TFCP2: variants seen among roughly 807,000 people sequenced by gnomAD.
TFCP2 encodes the protein transcription factor CP2.
Under a neutral mutation model 73.4 loss-of-function variants are expected in TFCP2, and 33 were observed. The ratio of observed to expected loss-of-function variants is 0.45; its 90% CI spans 0.34 to 0.60. TFCP2 has a LOEUF of 0.60. TFCP2 is among the 20% of genes least tolerant of loss of function. TFCP2 has a pLI of 0.01. For missense variants in TFCP2, 352 were observed against 604.0 expected, an observed-to-expected ratio of 0.58 and a Z score of 4.37; for synonymous variants, 193 against 211.6, an observed-to-expected ratio of 0.91 and a Z score of 0.76.
At chr12:51,116,784 A>G (rs186382118) in intron 3 of TFCP2, among the ~76,000 whole-genome samples, 1 of 151,974 alleles carries the variant, frequency 6.6e-6, no homozygotes, top group Admixed American at 6.6e-5. Flanking sequence ...CGCCTGACTA[A>G]TTTTGTATTT....
At chr12:51,102,438 A>T (rs1940132840) in intron 10 of TFCP2, among the ~76,000 whole-genome samples, 1 of 151,942 alleles carries the variant, frequency 6.6e-6, no homozygotes, top group Non-Finnish European at 1.5e-5. Context: ...TAAAAAAAAA[A>T]TCCTGGGCCA....
chr12:51,133,815 G>A (rs1296151701), intron 1 of TFCP2, among the ~76,000 whole-genome samples: 3 of 151,784 alleles, frequency 2.0e-5, no homozygotes, highest in Non-Finnish European at 2.9e-5. Flanking sequence ...TAGGTTACTT[G>A]GGAGGCTGAG....
chr12:51,095,965 G>A, intron 14 of TFCP2, 24 bp downstream of exon 14: 1 of 1,606,774 alleles, frequency 6.2e-7, no homozygotes, highest in Non-Finnish European at 8.5e-7. Flanking sequence ...ACTGCTTAGA[G>A]AAAGATGTTT....
At chr12:51,142,732 T>A (rs1941219096) in intron 1 of TFCP2, among the ~76,000 whole-genome samples, 1 of 152,240 alleles carries the variant, frequency 6.6e-6, no homozygotes, top group South Asian at 2.1e-4. Flanking sequence ...CGCCTTCAAC[T>A]ACTGCTATAC....
At chr12:51,166,631 T>C (rs1253301322) in intron 1 of TFCP2, among the ~76,000 whole-genome samples, 1 of 152,146 alleles carries the variant, frequency 6.6e-6, no homozygotes, top group Non-Finnish European at 1.5e-5. Context: ...ACATGGCCTA[T>C]GAAGAGCAAT....
chr12:51,166,175 T>A (rs1163670978), intron 1 of TFCP2, among the ~76,000 whole-genome samples: 2 of 150,596 alleles, frequency 1.3e-5, no homozygotes, highest in Non-Finnish European at 3.0e-5. Context: ...ATTAGCTGGG[T>A]GTGGTGGTAT....
At chr12:51,160,316 T>C (rs1362482172) in intron 1 of TFCP2, among the ~76,000 whole-genome samples, 1 of 152,086 alleles carries the variant, frequency 6.6e-6, no homozygotes, top group Non-Finnish European at 1.5e-5. Context: ...TTTGTATCTT[T>C]AGCAGAGATG....
At chr12:51,146,787 G>C (rs1246151166) in intron 1 of TFCP2, among the ~76,000 whole-genome samples, 1 of 152,144 alleles carries the variant, frequency 6.6e-6, no homozygotes, top group Non-Finnish European at 1.5e-5. Context: ...AGCACTTCAA[G>C]TGCTTTTAGC....
chr12:51,135,346 G>T (rs1464193957), intron 1 of TFCP2, among the ~76,000 whole-genome samples: 1 of 151,906 alleles, frequency 6.6e-6, no homozygotes, highest in Non-Finnish European at 1.5e-5. Context: ...AGAATTGCTT[G>T]AACCTGGGAG....
chr12:51,154,809 G>A (rs1388242487), intron 1 of TFCP2, among the ~76,000 whole-genome samples: 1 of 152,166 alleles, frequency 6.6e-6, no homozygotes, highest in Non-Finnish European at 1.5e-5. Flanking sequence ...CTCAGAAAGT[G>A]AAACCTAGGA....
At chr12:51,155,233 C>T (rs1181243807) in intron 1 of TFCP2, among the ~76,000 whole-genome samples, 1 of 152,148 alleles carries the variant, frequency 6.6e-6, no homozygotes, top group Non-Finnish European at 1.5e-5. Flanking sequence ...CATTGGTTTC[C>T]CTGGTTCTGA....
At chr12:51,163,327 C>T (rs1449920017) in intron 1 of TFCP2, among the ~76,000 whole-genome samples, 2 of 151,890 alleles carry the variant, frequency 1.3e-5, no homozygotes, top group Non-Finnish European at 2.9e-5. Context: ...CGGTGGCTCA[C>T]GCCTATAATC....
At chr12:51,125,167 T>C (rs1370341979) in intron 1 of TFCP2, 3 of 710,616 alleles carry the variant, frequency 4.2e-6, no homozygotes, top group Admixed American at 1.9e-5. Context: ...TGTAAATCTT[T>C]GCTACCAGTG....
At chr12:51,106,481 T>C (rs1940245848) in intron 8 of TFCP2, 44 bp downstream of exon 8, 4 of 1,412,272 alleles carry the variant, frequency 2.8e-6, no homozygotes, top group Non-Finnish European at 3.9e-6. Flanking sequence ...TGAAAGAATA[T>C]ATATTTTGGA....
At position 51,172,925 on chromosome 12, in the gene TFCP2, C is replaced by G. The variant is rs1267733054; in HGVS notation, c.-503G>C. ...CTTCCGGTCAGTCCCACGATCACTTCCGGTCACCCCTTCTCAACCCCACGG... is the reference window on the plus strand; with the variant it reads ...CTTCCGGTCAGTCCCACGATCACTTGCGGTCACCCCTTCTCAACCCCACGG... On this transcript the variant is annotated 5_prime_UTR_variant, in exon 1 of 15. Transcript: ENST00000257915. The G allele has an allele frequency of 6.2e-6, 1 of 162,130 alleles. No homozygotes were observed. Among genetic ancestry groups the G allele is most frequent in the East Asian group, 1.8e-4 (1 of 5,568 alleles). 10.0% of individuals were successfully genotyped at this position (162,130 alleles called of 1,614,324 possible).
At position 51,118,634 on chromosome 12, in the gene TFCP2, C is replaced by A. The variant is rs371462022; in HGVS notation, c.261G>T (p.Thr87=). The A allele has an allele frequency of 3.7e-6, 6 of 1,613,972 alleles. No individual in the cohort carries two copies. The highest frequency in any genetic ancestry group is 4.5e-5 in the East Asian group (2 of 44,868). ...GAAGCATCTAACCTTGATTGAGATA[C>A]GTTAGGGTTTCATCATGGAGTTTCA... ...PAVKLHDETL[T]YLNQGQSYEI... Residue 87 remains threonine, a synonymous_variant, in exon 2 of 15, where the codon ACG becomes ACT. Transcript: ENST00000257915.
intron 1 of TFCP2, among the ~76,000 whole-genome samples, chr12:51,162,281 A>C (rs1941665296): frequency 6.6e-6 from 1 of 152,126 alleles, no homozygotes; most frequent in South Asian, 2.1e-4. Context: ...CCCCATTTGT[A>C]CTAAAAATAC....
chr12:51,140,066 G>T (rs1187890801), intron 1 of TFCP2, among the ~76,000 whole-genome samples: 1 of 152,102 alleles, frequency 6.6e-6, no homozygotes, highest in Non-Finnish European at 1.5e-5. Flanking sequence ...TTTTATCCTT[G>T]TTTATCAACA....
Position 51,107,322 on chromosome 12 carries a change from T to A in TFCP2, c.742A>T (p.Lys248Ter). ...TTCTCCATTTTTTCCCTATCCGTTTTTTGCTTTCTGTCTGCACCTTTGGGC... is the reference window on the plus strand; with the variant it reads ...TTCTCCATTTTTTCCCTATCCGTTTATTGCTTTCTGTCTGCACCTTTGGGC... ...FKPKGADRKQ[K>*]TDREKMEKRT... is the part of the protein sequence containing the mutation. Residue 248 changes from lysine (K) to a stop codon, truncating the protein, a stop_gained, in exon 7 of 15, where the codon AAA (lysine) becomes TAA (stop). Transcript: ENST00000257915. LOFTEE classifies it high-confidence loss of function. 1 of 1,613,320 alleles carries A rather than the reference T, an allele frequency of 6.2e-7. No homozygotes were observed. Among genetic ancestry groups the A allele is most frequent in the Non-Finnish European group, 8.5e-7 (1 of 1,179,880 alleles).
Sources: allele counts gnomAD v4.1 joint callset (sites outside exome capture counted in the v4.1 genomes callset), GRCh38; gene constraint gnomAD v4.1.1; transcripts MANE v1.5; gene names NCBI Gene and HGNC (gene_info 2026-07-23, HGNC 2026-07-21).